MAP2: variants seen among roughly 807,000 people sequenced by gnomAD.
MAP2 encodes the protein microtubule associated protein 2.
In MAP2, 14 loss-of-function variants were observed where a neutral mutation model predicts 137.6. The observed-to-expected ratio is 0.10, with a 90% CI of 0.07 to 0.16. MAP2 has a LOEUF of 0.16. Among genes scored for constraint, MAP2 ranks in the 10% least tolerant of loss-of-function variants. The pLI is 1.00. For missense variants in MAP2, 2,088 were observed against 2,191.5 expected, an observed-to-expected ratio of 0.95 and a Z score of 0.94; for synonymous variants, 786 against 782.3, an observed-to-expected ratio of 1.00 and a Z score of -0.08.
At chr2:209,704,206 CAT>C (rs2062660529) in intron 11 of MAP2, among the ~76,000 whole-genome samples, 1 of 152,024 alleles carries the variant, frequency 6.6e-6, no homozygotes, top group African/African-American at 2.4e-5. Flanking sequence ...TAAATGAGAA[CAT>C]GTGATATTTG....
At chr2:209,660,920 T>C (rs1351677036) in intron 5 of MAP2, among the ~76,000 whole-genome samples, 1 of 148,600 alleles carries the variant, frequency 6.7e-6, no homozygotes, top group Non-Finnish European at 1.5e-5. Context: ...ATTTTTTTTT[T>C]TTTTTAGTAG....
intron 1 of MAP2, among the ~76,000 whole-genome samples, chr2:209,443,888 A>G (rs1448235096): frequency 1.3e-5 from 2 of 151,626 alleles, no homozygotes; most frequent in Admixed American, 6.6e-5. Context: ...TTAATCTACC[A>G]GAGGAGGCTA....
At chr2:209,703,219 G>A (rs2153741601) in intron 11 of MAP2, among the ~76,000 whole-genome samples, 1 of 152,192 alleles carries the variant, frequency 6.6e-6, no homozygotes, top group Non-Finnish European at 1.5e-5. Flanking sequence ...CACAGTATGT[G>A]TTTCACTTAT....
chr2:209,644,082 C>A (rs895766138), intron 4 of MAP2, among the ~76,000 whole-genome samples: 3 of 152,146 alleles, frequency 2.0e-5, no homozygotes, highest in Non-Finnish European at 4.4e-5. Flanking sequence ...TATCAATTTG[C>A]AAGTCCCACA....
rs534503461 is a variant in MAP2 at position 209,705,833 on chromosome 2, A to G, written c.4732+106A>G. 194 of 991,062 alleles carry G rather than the reference A, an allele frequency of 2.0e-4. 1 individual carries two copies. In the Admixed American group the frequency reaches 4.6e-3, roughly 24 times the overall value. The allele number at this position is 991,062 out of a possible 1,614,324, so 61.4% of individuals were successfully genotyped here. A position where few individuals can be genotyped will look rare whatever the true frequency, so the allele number is the denominator to read the frequency against. On this transcript the variant is annotated intron_variant, in intron 12 of 15. Transcript: ENST00000682079. Reference sequence around the variant, plus strand: ...ATTTGTAAAAATAAAACATGCATTAAGACTAGATTATATTTGCCATAAGGA... The same window carrying G: ...ATTTGTAAAAATAAAACATGCATTAGGACTAGATTATATTTGCCATAAGGA...
rs1053298794 is a variant in MAP2 at position 209,468,656 on chromosome 2, G to T, written c.-221-38936G>T. Among the ~76,000 whole-genome samples the T allele has an allele frequency of 2.0e-5, 3 of 152,028 alleles. No individual in the cohort carries two copies. The East Asian group carries it at 5.8e-4, about 29-fold the overall frequency. On this transcript the variant is annotated intron_variant, in intron 1 of 15. Coordinates refer to ENST00000682079, the MANE Select transcript of MAP2 (RefSeq NM_001375505.1). Reference sequence around the variant, plus strand: ...TTTCTTTAAGCACACAAAGTCTTACGTTGAGTTTATCAAGAGTTTGTCCCT... The same window carrying T: ...TTTCTTTAAGCACACAAAGTCTTACTTTGAGTTTATCAAGAGTTTGTCCCT...
chr2:209,513,639 A>C lies in MAP2; in HGVS notation c.-172+5998A>C, dbSNP rs543199918. On this transcript the variant is annotated intron_variant, in intron 2 of 15. Coordinates refer to ENST00000682079, the MANE Select transcript of MAP2 (RefSeq NM_001375505.1). ...ATCTTTCTCTCTTGAAAAAACAAAA[A>C]ACAAAAAAACACCACAGATCCAATA... Among the ~76,000 whole-genome samples the C allele has an allele frequency of 3.0e-3, 451 of 152,126 alleles. 2 individuals are homozygous for C. The highest frequency in any genetic ancestry group is 0.01 in the African/African-American group (420 of 41,502).
chr2:209,529,155 G>A (rs2064702008), intron 2 of MAP2, among the ~76,000 whole-genome samples: 1 of 152,002 alleles, frequency 6.6e-6, no homozygotes, highest in Non-Finnish European at 1.5e-5. Flanking sequence ...AAAAATGGTG[G>A]TGTGGATGAA....
chr2:209,439,000 A>T (rs879497314), intron 1 of MAP2, among the ~76,000 whole-genome samples: 4 of 151,636 alleles, frequency 2.6e-5, no homozygotes, highest in East Asian at 3.9e-4. Context: ...TAAAAATAAC[A>T]TACTGATTTT....
chr2:209,697,344 G>A (rs904420551), intron 10 of MAP2, among the ~76,000 whole-genome samples: 1 of 151,948 alleles, frequency 6.6e-6, no homozygotes. Flanking sequence ...TGTGTGTTTG[G>A]TTAGACGATG....
At chr2:209,563,446 A>T (rs186297893) in intron 2 of MAP2, among the ~76,000 whole-genome samples, 1 of 147,820 alleles carries the variant, frequency 6.8e-6, no homozygotes, top group Non-Finnish European at 1.5e-5. Context: ...CTTATAAAAG[A>T]TTTTCATTGT....
At chr2:209,475,476 G>A (rs1706976765) in intron 1 of MAP2, among the ~76,000 whole-genome samples, 1 of 151,984 alleles carries the variant, frequency 6.6e-6, no homozygotes, top group Admixed American at 6.6e-5. Flanking sequence ...AAAACATTTA[G>A]AAATAAATGT....
At chr2:209,648,188 G>A (rs181467303) in intron 4 of MAP2, among the ~76,000 whole-genome samples, 1,552 of 149,836 alleles carry the variant, frequency 0.01, 19 homozygotes, top group African/African-American at 0.036. Flanking sequence ...TGCAACCTCC[G>A]CCTCCCAGGT....
intron 2 of MAP2, among the ~76,000 whole-genome samples, chr2:209,565,221 T>A (rs2073124618): frequency 6.6e-6 from 1 of 152,176 alleles, no homozygotes; most frequent in African/African-American, 2.4e-5. Context: ...AATTTCTTTT[T>A]GTTTTTATTT....
intron 2 of MAP2, among the ~76,000 whole-genome samples, chr2:209,546,916 C>A (rs2068191354): frequency 6.6e-6 from 1 of 152,094 alleles, no homozygotes; most frequent in African/African-American, 2.4e-5. Flanking sequence ...AATAGCCTAG[C>A]CAGTGGCTAG....
rs1186032597 is a variant in MAP2 at position 209,621,257 on chromosome 2, A to ATTTTTTTTT, written c.-106-3785_-106-3777dup. The stretch of plus-strand genomic sequence containing the variant: ...GATTCCAGCAACTTCAGGCATCTTG[A>ATTTTTTTTT]TTTTTTTTTTTTTTTTTTTGAGAGA... On this transcript the variant is annotated intron_variant, in intron 3 of 15. Coordinates refer to ENST00000682079, the MANE Select transcript of MAP2 (RefSeq NM_001375505.1). Among the ~76,000 whole-genome samples the ATTTTTTTTT allele has an allele frequency of 9.8e-3, 1,221 of 125,016 alleles. 49 individuals are homozygous for ATTTTTTTTT. Among genetic ancestry groups the ATTTTTTTTT allele is most frequent in the African/African-American group, 0.035 (1,120 of 31,834 alleles). 82.0% of individuals were successfully genotyped at this position (125,016 alleles called of 152,430 possible).
At chr2:209,441,555 G>C (rs193084507) in intron 1 of MAP2, among the ~76,000 whole-genome samples, 1 of 151,478 alleles carries the variant, frequency 6.6e-6, no homozygotes, top group Non-Finnish European at 1.5e-5. Context: ...GCTGTTTTTG[G>C]ACCTAGAATT....
In MAP2 at chr2:209,653,150, G is replaced by A. The variant is rs1306363597; in HGVS notation, c.-21G>A. 1.9e-5 allele frequency: 30 copies of A among 1,558,180 alleles called. No homozygotes were observed. The highest frequency in any genetic ancestry group is 2.0e-5 in the Admixed American group (1 of 49,942). On this transcript the variant is annotated 5_prime_UTR_variant, in exon 5 of 16. Coordinates refer to ENST00000682079, the MANE Select transcript of MAP2 (RefSeq NM_001375505.1). ...TATTTTTTCTCTTTCAGTTGCAGGA[G>A]AAATAACAAGGCATTGAAGAATGGC...
chr2:209,576,232 G>A (rs2075349517), intron 2 of MAP2, among the ~76,000 whole-genome samples: 1 of 151,986 alleles, frequency 6.6e-6, no homozygotes, highest in South Asian at 2.1e-4. Context: ...TTAGGTTTCT[G>A]CTAATTTATT....
Sources: allele counts gnomAD v4.1 joint callset (sites outside exome capture counted in the v4.1 genomes callset), GRCh38; gene constraint gnomAD v4.1.1; transcripts MANE v1.5; gene names NCBI Gene and HGNC (gene_info 2026-07-23, HGNC 2026-07-21).